Variants in SLC35F1 observed in about 807,000 individuals in gnomAD.
SLC35F1 encodes chromosome 6 open reading frame 169.
SLC35F1 carries 14 observed loss-of-function variants against 48.7 expected under a neutral mutation model. That is an observed-to-expected ratio of 0.29 (90% CI 0.19 to 0.45). SLC35F1 has a LOEUF of 0.45. Among genes scored for constraint, SLC35F1 ranks in the 20% least tolerant of loss-of-function variants. SLC35F1 has a pLI of 1.00. For missense variants in SLC35F1, 404 were observed against 500.0 expected, an observed-to-expected ratio of 0.81 and a Z score of 1.83; for synonymous variants, 190 against 202.2, an observed-to-expected ratio of 0.94 and a Z score of 0.51.
intron 1 of SLC35F1, among the ~76,000 whole-genome samples, chr6:118,004,468 C>G (rs10872160): frequency 0.24 from 35,992 of 151,920 alleles, 4,343 homozygotes; most frequent in East Asian, 0.29. Context: ...TTTTGGAAAA[C>G]AAAGTTCTAA....
At chr6:118,042,030 C>T (rs1319507684) in intron 1 of SLC35F1, among the ~76,000 whole-genome samples, 1 of 152,022 alleles carries the variant, frequency 6.6e-6, no homozygotes, top group Non-Finnish European at 1.5e-5. Context: ...TGCCTCATTT[C>T]TTCCTGTTGA....
chr6:118,178,935 C>T (rs923189687), intron 2 of SLC35F1, among the ~76,000 whole-genome samples: 6 of 152,054 alleles, frequency 3.9e-5, no homozygotes, highest in African/African-American at 1.4e-4. Flanking sequence ...ATTATGTCCA[C>T]GTTATTACAA....
At chr6:118,236,257 C>A (rs1051670527) in intron 3 of SLC35F1, among the ~76,000 whole-genome samples, 1 of 152,152 alleles carries the variant, frequency 6.6e-6, no homozygotes, top group African/African-American at 2.4e-5. Context: ...CACACACACA[C>A]ACAATTGCAA....
chr6:117,995,777 A>T (rs183754582), intron 1 of SLC35F1, among the ~76,000 whole-genome samples: 13 of 152,182 alleles, frequency 8.5e-5, no homozygotes, highest in Middle Eastern at 3.4e-3. Context: ...AATAAAAATT[A>T]AAAAAAGGGC....
At chr6:118,039,001 T>C (rs1302107852) in intron 1 of SLC35F1, among the ~76,000 whole-genome samples, 2 of 152,230 alleles carry the variant, frequency 1.3e-5, no homozygotes, top group Non-Finnish European at 2.9e-5. Context: ...TATATTGATG[T>C]TGTATCCTGC....
intron 1 of SLC35F1, among the ~76,000 whole-genome samples, chr6:118,079,639 G>C (rs1299522346): frequency 6.6e-6 from 1 of 152,160 alleles, no homozygotes; most frequent in African/African-American, 2.4e-5. Flanking sequence ...AGGATGCTTT[G>C]AGGCTGCCCT....
intron 1 of SLC35F1, among the ~76,000 whole-genome samples, chr6:117,992,625 T>C (rs1776933462): frequency 6.6e-6 from 1 of 152,222 alleles, no homozygotes; most frequent in Admixed American, 6.5e-5. Flanking sequence ...TTGCTGACTT[T>C]TGTAGACATT....
At chr6:117,918,492 G>T (rs1775855324) in intron 1 of SLC35F1, among the ~76,000 whole-genome samples, 2 of 152,152 alleles carry the variant, frequency 1.3e-5, no homozygotes, top group Non-Finnish European at 2.9e-5. Flanking sequence ...TTCCTCTCTG[G>T]TGGCTTCTCT....
intron 7 of SLC35F1, among the ~76,000 whole-genome samples, chr6:118,305,704 T>C (rs1212932909): frequency 1.3e-5 from 2 of 152,178 alleles, no homozygotes; most frequent in African/African-American, 2.4e-5. Context: ...TTATCTTGTG[T>C]TATATAATAA....
intron 1 of SLC35F1, among the ~76,000 whole-genome samples, chr6:118,083,679 T>C (rs903474789): frequency 1.3e-5 from 2 of 152,216 alleles, no homozygotes; most frequent in African/African-American, 4.8e-5. Context: ...CCTTCAAGAA[T>C]GTTTTGTGGT....
intron 1 of SLC35F1, among the ~76,000 whole-genome samples, chr6:118,026,729 A>G (rs1473430219): frequency 6.6e-6 from 1 of 152,210 alleles, no homozygotes; most frequent in East Asian, 1.9e-4. Flanking sequence ...AACAAAAGTT[A>G]ATGAGTTTGG....
chr6:118,118,600 T>C lies in SLC35F1; in HGVS notation c.174-35845T>C, dbSNP rs141674298. Reference sequence around the variant, plus strand: ...CACATGCTTCATGCCCATTTGTATATTTTGTGAGACATCTCTTCAGATCTT... The same window carrying C: ...CACATGCTTCATGCCCATTTGTATACTTTGTGAGACATCTCTTCAGATCTT... On this transcript the variant is annotated intron_variant, in intron 1 of 7. Transcript: ENST00000360388. Among the ~76,000 whole-genome samples, 137 of 152,330 alleles carry C rather than the reference T, an allele frequency of 9.0e-4. 1 individual carries two copies. Among genetic ancestry groups the C allele is most frequent in the African/African-American group, 3.2e-3 (135 of 41,574 alleles).
intron 1 of SLC35F1, among the ~76,000 whole-genome samples, chr6:117,968,418 G>T (rs1776598182): frequency 6.6e-6 from 1 of 152,128 alleles, no homozygotes; most frequent in Non-Finnish European, 1.5e-5. Context: ...TAATCATTAA[G>T]ATTTCTTTTG....
intron 1 of SLC35F1, among the ~76,000 whole-genome samples, chr6:118,006,860 G>A (rs1163036102): frequency 6.6e-6 from 1 of 152,034 alleles, no homozygotes; most frequent in Non-Finnish European, 1.5e-5. Flanking sequence ...TAACATGTAT[G>A]TGAATATGTT....
At chr6:118,033,596 T>G (rs1484067338) in intron 1 of SLC35F1, among the ~76,000 whole-genome samples, 1 of 144,730 alleles carries the variant, frequency 6.9e-6, no homozygotes, top group East Asian at 2.1e-4. Flanking sequence ...TGTTTGCATT[T>G]GTATACATTC....
At chr6:118,186,630 G>A (rs1269460983) in intron 2 of SLC35F1, among the ~76,000 whole-genome samples, 1 of 152,112 alleles carries the variant, frequency 6.6e-6, no homozygotes, top group Non-Finnish European at 1.5e-5. Flanking sequence ...AATACATAGT[G>A]GTTCAACATT....
intron 1 of SLC35F1, among the ~76,000 whole-genome samples, chr6:118,058,697 T>C (rs949867555): frequency 5.3e-5 from 8 of 152,202 alleles, no homozygotes; most frequent in African/African-American, 1.7e-4. Flanking sequence ...TTTGCTGTTT[T>C]TCTGTTTTCC....
At chr6:118,213,047 C>T (rs1229817053) in intron 2 of SLC35F1, among the ~76,000 whole-genome samples, 2 of 152,070 alleles carry the variant, frequency 1.3e-5, no homozygotes, top group East Asian at 3.9e-4. Flanking sequence ...CATGCCAGTA[C>T]AAGTTGAGGC....
intron 3 of SLC35F1, among the ~76,000 whole-genome samples, chr6:118,261,588 C>T (rs190874777): frequency 5.3e-4 from 80 of 152,266 alleles, no homozygotes; most frequent in African/African-American, 1.9e-3. Flanking sequence ...GGTAAACGCT[C>T]AATAAATGTC....
Sources: gnomAD v4.1 joint callset for allele counts (sites outside exome capture counted in the v4.1 genomes callset) on GRCh38, gnomAD v4.1.1 for gene constraint, MANE v1.5 for transcripts, NCBI Gene and HGNC (gene_info 2026-07-23, HGNC 2026-07-21) for gene names.